Variants in CD55 observed in about 807,000 individuals in gnomAD.
CD55 encodes CD55 molecule (Cromer blood group).
A neutral mutation model predicts 45.8 loss-of-function variants in CD55; 41 were observed. That is an observed-to-expected ratio of 0.90 (90% CI 0.70 to 1.16). The LOEUF is 1.16. Ranked by LOEUF, CD55 falls within the 50% of genes most tolerant of loss-of-function variation. CD55 has a pLI of 0.00. For missense variants in CD55, 416 were observed against 469.8 expected, an observed-to-expected ratio of 0.89 and a Z score of 1.06; for synonymous variants, 181 against 181.1, an observed-to-expected ratio of 1.00 and a Z score of 0.01.
rs1168242167 is a variant in CD55 at position 207,352,303 on chromosome 1, C to T, written c.1082-7243C>T. Among the ~76,000 whole-genome samples, 9 of 151,606 alleles carry T rather than the reference C, an allele frequency of 5.9e-5. No individual in the cohort carries two copies. In the East Asian group the frequency reaches 1.7e-3, roughly 29 times the overall value. On this transcript the variant is annotated intron_variant, in intron 9 of 9. Coordinates refer to ENST00000367064, the MANE Select transcript of CD55 (RefSeq NM_000574.5). ...TCTTCTCACCAAAGACCTTTTTAGA[C>T]ATTTTTTTTTGATCATCCTCCACCA...
In CD55 at chr1:207,360,061, G is replaced by A. The variant is rs1052722545; in HGVS notation, c.*451G>A. 4 of 152,560 alleles carry A rather than the reference G, an allele frequency of 2.6e-5. No homozygotes were observed. Among genetic ancestry groups the A allele is most frequent in the African/African-American group, 9.6e-5 (4 of 41,452 alleles). The allele number at this position is 152,560 out of a possible 1,614,324, so 9.5% of individuals were successfully genotyped here. On this transcript the variant is annotated 3_prime_UTR_variant, in exon 10 of 10. Transcript: ENST00000367064. Reference sequence around the variant, plus strand: ...CTAAGCAAAATTGCTAAAGAGAGATGAACCACATTATAAAGTAATCTTTGG... The same window carrying A: ...CTAAGCAAAATTGCTAAAGAGAGATAAACCACATTATAAAGTAATCTTTGG...
chr1:207,329,157 G>A (rs1360095251), intron 5 of CD55, among the ~76,000 whole-genome samples: 1 of 152,220 alleles, frequency 6.6e-6, no homozygotes. Flanking sequence ...AATTCTGGGT[G>A]CTAGTTCCTG....
chr1:207,355,024 T>A (rs1024176645), intron 9 of CD55, among the ~76,000 whole-genome samples: 24 of 152,166 alleles, frequency 1.6e-4, no homozygotes, highest in Admixed American at 1.6e-3. Flanking sequence ...AACCCAAAAT[T>A]TTTTAGGAGC....
chr1:207,323,739 A>G (rs1341278131), intron 2 of CD55, among the ~76,000 whole-genome samples: 2 of 152,246 alleles, frequency 1.3e-5, no homozygotes, highest in Non-Finnish European at 2.9e-5. Flanking sequence ...CAATAGAGGC[A>G]GTAGGATGAA....
chr1:207,322,618 A>T, intron 2 of CD55, 51 bp downstream of exon 2: 1 of 1,426,734 alleles, frequency 7.0e-7, no homozygotes, highest in Non-Finnish European at 9.6e-7. Context: ...TGTATCTTAA[A>T]TTTATTTTTA....
intron 5 of CD55, 146 bp from the exon 6 acceptor site, chr1:207,330,962 A>T: frequency 1.6e-6 from 1 of 636,758 alleles, no homozygotes; most frequent in Non-Finnish European, 2.6e-6. Flanking sequence ...ATAGGCATTT[A>T]TAAGCATCTC....
chr1:207,325,646 A>G lies in CD55; in HGVS notation c.503A>G (p.Glu168Gly). The change falls in exon 4 of 10, where the codon GAA (glutamate) becomes GGA (glycine). Residue 168 changes from glutamate (E) to glycine (G), a missense_variant. Physicochemically the swap from Glu to Gly is moderately conservative, Grantham distance 98. Transcript: ENST00000367064. Reference protein sequence around the residue: ...CKKKSCPNPGEIRNGQIDVPG... With the variant: ...CKKKSCPNPGGIRNGQIDVPG... ...GAGAAATCATGCCCTAATCCGGGAG[A>G]AATACGAAATGGTCAGATTGATGTA... 12 of 1,609,300 alleles carry G rather than the reference A, an allele frequency of 7.5e-6. 1 individual carries two copies. The highest frequency in any genetic ancestry group is 1.0e-5 in the Non-Finnish European group (12 of 1,176,672).
At chr1:207,345,774 G>C (rs944469531) in intron 9 of CD55, among the ~76,000 whole-genome samples, 1 of 152,206 alleles carries the variant, frequency 6.6e-6, no homozygotes, top group African/African-American at 2.4e-5. Context: ...TGTCAGTTAG[G>C]TGGGGCACTT....
In CD55 at chr1:207,324,659, C is replaced by T. The variant is rs1572869080; in HGVS notation, c.387C>T (p.Cys129=). 5.0e-6 allele frequency: 8 copies of T among 1,612,482 alleles called. No homozygotes were observed. The highest frequency in any genetic ancestry group is 1.1e-5 in the South Asian group (1 of 90,842). ...FPVGTVVEYE[C]RPGYRREPSL... ...TCGGTACTGTTGTGGAATATGAGTG[C>T]CGTCCAGGTTACAGAAGAGAACCTT... The change falls in exon 3 of 10, where the codon TGC becomes TGT. Residue 129 remains cysteine (C), a synonymous_variant. Transcript: ENST00000367064.
chr1:207,348,002 T>C (rs879334637), intron 9 of CD55, among the ~76,000 whole-genome samples: 2 of 152,228 alleles, frequency 1.3e-5, no homozygotes, highest in Non-Finnish European at 2.9e-5. Context: ...TCTAGGTTGA[T>C]TCCATGTTAT....
At chr1:207,358,834 C>G (rs184444876) in intron 9 of CD55, among the ~76,000 whole-genome samples, 10 of 151,378 alleles carry the variant, frequency 6.6e-5, no homozygotes, top group African/African-American at 2.4e-4. Context: ...TAATGCTTAT[C>G]ATCTCATCCT....
chr1:207,340,491 A>G, intron 9 of CD55: 1 of 683,734 alleles, frequency 1.5e-6, no homozygotes. Context: ...TCAGCCTCCC[A>G]AGTAGCTGGT....
chr1:207,348,812 GA>G (rs1299718704), intron 9 of CD55, among the ~76,000 whole-genome samples: 4 of 151,978 alleles, frequency 2.6e-5, no homozygotes, highest in African/African-American at 9.7e-5. Context: ...AGCATTTATT[GA>G]ATAGAGAATC....
chr1:207,337,659 T>TTA (rs1558150494), intron 8 of CD55: 2 of 277,848 alleles, frequency 7.2e-6, no homozygotes, highest in Non-Finnish European at 6.7e-6. Flanking sequence ...TTAAGATTGG[T>TTA]AAAAAAAAAA....
intron 7 of CD55, 192 bp downstream of exon 7, chr1:207,337,010 G>A (rs1443965475): frequency 3.0e-6 from 2 of 664,858 alleles, no homozygotes; most frequent in African/African-American, 1.8e-5. Flanking sequence ...ACACACCATA[G>A]TAAATGTTTC....
intron 6 of CD55, among the ~76,000 whole-genome samples, chr1:207,334,252 A>C (rs1655074535): frequency 6.6e-6 from 1 of 152,188 alleles, no homozygotes; most frequent in African/African-American, 2.4e-5. Context: ...TACTGTAAGA[A>C]AATTACTGTT....
In CD55 at chr1:207,335,454, C is replaced by T. The variant is rs558009033; in HGVS notation, c.854-1239C>T. Among the ~76,000 whole-genome samples, 32 of 151,980 alleles carry T rather than the reference C, an allele frequency of 2.1e-4. No homozygotes were observed. The South Asian group carries it at 3.7e-3, about 18-fold the overall frequency. The stretch of plus-strand genomic sequence containing the variant: ...GTGGAATTAAACTAGATGTCAGTAA[C>T]GAAAAGATAACTAAAAAATTAACTT... On this transcript the variant is annotated intron_variant, in intron 6 of 9. Transcript: ENST00000367064.
At chr1:207,346,656 G>C (rs1655652573) in intron 9 of CD55, among the ~76,000 whole-genome samples, 1 of 152,204 alleles carries the variant, frequency 6.6e-6, no homozygotes, top group Non-Finnish European at 1.5e-5. Flanking sequence ...ATGCCTGGCT[G>C]CTCCTCTATT....
intron 5 of CD55, 88 bp downstream of exon 5, chr1:207,326,925 G>C: frequency 1.1e-6 from 1 of 905,488 alleles, no homozygotes; most frequent in Non-Finnish European, 1.7e-6. Context: ...TATTAGCACA[G>C]TGTGTATTTG....
Sources: gnomAD v4.1 joint callset for allele counts (sites outside exome capture counted in the v4.1 genomes callset) on GRCh38, gnomAD v4.1.1 for gene constraint, MANE v1.5 for transcripts, NCBI Gene and HGNC (gene_info 2026-07-23, HGNC 2026-07-21) for gene names.